PLGRKT: variants seen among roughly 807,000 people sequenced by gnomAD.
PLGRKT encodes plasminogen receptor with a C-terminal lysine.
In PLGRKT, 22 loss-of-function variants were observed where a neutral mutation model predicts 18.5. The ratio of observed to expected loss-of-function variants is 1.19; its 90% CI spans 0.85 to 1.70. The LOEUF (loss-of-function observed/expected upper bound fraction) is 1.70. Among genes scored for constraint, PLGRKT ranks in the 40% most tolerant of loss-of-function variants. The probability of loss-of-function intolerance (pLI) is 0.00; values close to 1 mark genes in which losing one functional copy is unlikely to be tolerated. For synonymous variants in PLGRKT, 72 were observed against 52.8 expected (o/e 1.36, Z -1.58); for missense variants, 235 against 174.4 (o/e 1.35, Z -1.96).
At chr9:5,411,127 T>C (rs574363087) in intron 3 of PLGRKT, among the ~76,000 whole-genome samples, 1 of 152,206 alleles carries the variant, frequency 6.6e-6, no homozygotes, top group Admixed American at 6.5e-5. Context: ...CTCACGCCTG[T>C]AATCCCAACA....
intron 3 of PLGRKT, 42 bp downstream of exon 3, chr9:5,431,855 A>C: frequency 1.1e-6 from 1 of 933,916 alleles, no homozygotes; most frequent in African/African-American, 1.6e-5. Context: ...AGAAACTTTA[A>C]GCATTGTAAC....
chr9:5,386,404 T>C (rs1817843880), intron 3 of PLGRKT, among the ~76,000 whole-genome samples: 1 of 151,856 alleles, frequency 6.6e-6, no homozygotes, highest in South Asian at 2.1e-4. Flanking sequence ...CTGGGGACAC[T>C]TATGATTGTC....
At chr9:5,388,277 G>A (rs1417919183) in intron 3 of PLGRKT, among the ~76,000 whole-genome samples, 1 of 151,820 alleles carries the variant, frequency 6.6e-6, no homozygotes, top group Non-Finnish European at 1.5e-5. Flanking sequence ...TGGTTTCCCA[G>A]GAACAACTGA....
At chr9:5,408,677 CCAAGT>C (rs1156314972) in intron 3 of PLGRKT, among the ~76,000 whole-genome samples, 1 of 152,200 alleles carries the variant, frequency 6.6e-6, no homozygotes, top group Non-Finnish European at 1.5e-5. Context: ...TAAAGAGGAG[CCAAGT>C]CTAATAGTCA....
At chr9:5,383,357 C>T (rs1817781877) in intron 3 of PLGRKT, among the ~76,000 whole-genome samples, 1 of 152,198 alleles carries the variant, frequency 6.6e-6, no homozygotes, top group Non-Finnish European at 1.5e-5. Context: ...GAAACCAATA[C>T]ACTCCTCAGC....
intron 3 of PLGRKT, among the ~76,000 whole-genome samples, chr9:5,400,322 G>A (rs1326295742): frequency 1.3e-5 from 2 of 151,712 alleles, no homozygotes; most frequent in East Asian, 3.9e-4. Flanking sequence ...CAAATTGTGG[G>A]GTGCATAACT....
intron 3 of PLGRKT, among the ~76,000 whole-genome samples, chr9:5,431,475 A>G (rs1157540739): frequency 6.7e-6 from 1 of 148,522 alleles, no homozygotes; most frequent in Non-Finnish European, 1.5e-5. Flanking sequence ...CAGAGGTTGC[A>G]GTGAGCCCAG....
At chr9:5,393,536 A>G (rs11794997) in intron 3 of PLGRKT, among the ~76,000 whole-genome samples, 40,456 of 151,684 alleles carry the variant, frequency 0.27, 5,701 homozygotes, top group Non-Finnish European at 0.29. Context: ...AACATTAGTC[A>G]TTTTACTCAG....
intron 2 of PLGRKT, among the ~76,000 whole-genome samples, chr9:5,432,939 G>A (rs1053547667): frequency 1.3e-5 from 2 of 151,870 alleles, no homozygotes; most frequent in South Asian, 2.1e-4. Flanking sequence ...AGTGAGCAGC[G>A]TCTCTGCCTG....
intron 2 of PLGRKT, among the ~76,000 whole-genome samples, chr9:5,436,241 T>G (rs1281445995): frequency 1.3e-5 from 2 of 152,246 alleles, no homozygotes; most frequent in Non-Finnish European, 2.9e-5. Flanking sequence ...TTATCCATCT[T>G]GATAGTCTCC....
At chr9:5,408,935 G>C (rs774221362) in intron 3 of PLGRKT, among the ~76,000 whole-genome samples, 1 of 152,254 alleles carries the variant, frequency 6.6e-6, no homozygotes, top group Non-Finnish European at 1.5e-5. Context: ...CAAGCTGTAA[G>C]TCTTGGCAGC....
chr9:5,378,547 T>G (rs115799395), intron 3 of PLGRKT, among the ~76,000 whole-genome samples: 1 of 152,182 alleles, frequency 6.6e-6, no homozygotes, highest in Non-Finnish European at 1.5e-5. Flanking sequence ...GAAGTCAGGA[T>G]AGTGGCTATC....
At chr9:5,377,287 A>G (rs999045617) in intron 3 of PLGRKT, among the ~76,000 whole-genome samples, 3 of 152,000 alleles carry the variant, frequency 2.0e-5, no homozygotes, top group Non-Finnish European at 4.4e-5. Context: ...AAACTGAAAT[A>G]TTAAACAAGG....
chr9:5,431,498 C>T (rs930849683), intron 3 of PLGRKT, among the ~76,000 whole-genome samples: 1 of 143,266 alleles, frequency 7.0e-6, no homozygotes, highest in Non-Finnish European at 1.5e-5. Flanking sequence ...CATACCACTG[C>T]ACTCCAGGCT....
chr9:5,400,464 C>G (rs984927943), intron 3 of PLGRKT, among the ~76,000 whole-genome samples: 1 of 151,826 alleles, frequency 6.6e-6, no homozygotes, highest in Non-Finnish European at 1.5e-5. Context: ...AATCCCTAAC[C>G]TGATGGTCCC....
chr9:5,425,561 C>A (rs533934106), intron 3 of PLGRKT, among the ~76,000 whole-genome samples: 2 of 152,182 alleles, frequency 1.3e-5, no homozygotes, highest in African/African-American at 4.8e-5. Flanking sequence ...CTGACAATCA[C>A]CAATTATAAT....
intron 3 of PLGRKT, among the ~76,000 whole-genome samples, chr9:5,401,229 C>T (rs566680773): frequency 1.3e-5 from 2 of 151,700 alleles, no homozygotes; most frequent in East Asian, 3.9e-4. Context: ...ACAGAAACTA[C>T]TGGAAGTCTA....
chr9:5,428,471 C>G (rs952668967), intron 3 of PLGRKT, among the ~76,000 whole-genome samples: 1 of 152,176 alleles, frequency 6.6e-6, no homozygotes, highest in African/African-American at 2.4e-5. Context: ...CAAGGCCATG[C>G]AGTGGCTCCA....
intron 3 of PLGRKT, among the ~76,000 whole-genome samples, chr9:5,384,173 C>A (rs1366355953): frequency 6.6e-6 from 1 of 152,128 alleles, no homozygotes; most frequent in Non-Finnish European, 1.5e-5. Flanking sequence ...GAAGTAAAAG[C>A]CATTGTTGGG....
Sources: allele counts gnomAD v4.1 joint callset (sites outside exome capture counted in the v4.1 genomes callset), GRCh38; gene constraint gnomAD v4.1.1; transcripts MANE v1.5; gene names NCBI Gene and HGNC (gene_info 2026-07-23, HGNC 2026-07-21).